DOCK4: variants seen among roughly 807,000 people sequenced by gnomAD.
DOCK4 encodes the protein dedicator of cytokinesis protein 4.
A neutral mutation model predicts 268.1 loss-of-function variants in DOCK4; 97 were observed. The ratio of observed to expected loss-of-function variants is 0.36; its 90% CI spans 0.31 to 0.43. The LOEUF is 0.43. DOCK4 is among the 20% of genes least tolerant of loss of function. The pLI, the probability that DOCK4 is intolerant of heterozygous loss-of-function variation, is 1.00. For missense variants in DOCK4, 2,145 were observed against 2,455.7 expected, an observed-to-expected ratio of 0.87 and a Z score of 2.67; for synonymous variants, 954 against 887.2, an observed-to-expected ratio of 1.08 and a Z score of -1.34.
chr7:111,746,562 G>A (rs1029660681), intron 43 of DOCK4, 145 bp from the exon 44 acceptor site: 14 of 633,874 alleles, frequency 2.2e-5, no homozygotes, highest in African/African-American at 3.7e-5. Context: ...ACTAGTGTAG[G>A]TGGTTGGTCA....
At chr7:111,809,959 C>G (rs1433871076) in intron 28 of DOCK4, among the ~76,000 whole-genome samples, 2 of 147,390 alleles carry the variant, frequency 1.4e-5, no homozygotes, top group Non-Finnish European at 3.0e-5. Flanking sequence ...AGAAAGAGAT[C>G]TGAATAAAGT....
At chr7:111,961,777 G>A (rs6976237) in intron 8 of DOCK4, among the ~76,000 whole-genome samples, 202 of 152,232 alleles carry the variant, frequency 1.3e-3, no homozygotes, top group African/African-American at 4.6e-3. Context: ...AAACGTAACT[G>A]TCAGTTCATG....
At chr7:112,052,250 C>T (rs1047901844) in intron 1 of DOCK4, among the ~76,000 whole-genome samples, 1 of 151,954 alleles carries the variant, frequency 6.6e-6, no homozygotes, top group Non-Finnish European at 1.5e-5. Context: ...AATGTGGAAC[C>T]AATGGATATA....
chr7:111,945,622 AT>A, intron 9 of DOCK4, 94 bp downstream of exon 9: 15 of 1,102,254 alleles, frequency 1.4e-5, no homozygotes, highest in Middle Eastern at 2.0e-4. Flanking sequence ...TTAAAAGCAA[AT>A]TCACTATGTT....
chr7:111,991,598 A>G (rs1484403619), intron 5 of DOCK4, among the ~76,000 whole-genome samples: 1 of 152,168 alleles, frequency 6.6e-6, no homozygotes, highest in Non-Finnish European at 1.5e-5. Flanking sequence ...TGGCAGCAGC[A>G]GACTTAGATT....
intron 32 of DOCK4, 140 bp downstream of exon 32, chr7:111,788,522 T>C: frequency 1.5e-6 from 1 of 671,966 alleles, no homozygotes; most frequent in Non-Finnish European, 2.6e-6. Flanking sequence ...TTATCCTTTA[T>C]TTCACACTCC....
In DOCK4 at chr7:111,811,945, T is replaced by C. The variant is rs376660566; in HGVS notation, c.2935A>G (p.Ile979Val). 1.7e-5 allele frequency: 25 copies of C among 1,491,308 alleles called. No individual in the cohort carries two copies. The Admixed American group carries it at 5.2e-4, about 31-fold the overall frequency. The allele number at this position is 1,491,308 out of a possible 1,614,324, so 92.4% of individuals were successfully genotyped here. The change falls in exon 28 of 53, where the codon ATT becomes GTT. Residue 979 changes from isoleucine to valine, a missense_variant. This residue lies in a region of DOCK4 where 1,598 missense variants were observed against 1,986.7 expected (regional missense o/e 0.80). Transcript: ENST00000428084. ...GAGAGGTATAGAACTGTTGTAATAATAACACTAGTGATAAAAAAAATGACA... is the reference window on the plus strand; with the variant it reads ...GAGAGGTATAGAACTGTTGTAATAACAACACTAGTGATAAAAAAAATGACA... ...TVMRLVANNV[I>V]ITTVLYLSDA...
intron 1 of DOCK4, among the ~76,000 whole-genome samples, chr7:112,113,935 A>C (rs1213303871): frequency 2.0e-5 from 3 of 151,852 alleles, no homozygotes; most frequent in Non-Finnish European, 4.4e-5. Flanking sequence ...CCTGATATAA[A>C]TTTAGCAAAT....
chr7:111,845,154 A>T (rs894451939), intron 24 of DOCK4, among the ~76,000 whole-genome samples: 25 of 152,174 alleles, frequency 1.6e-4, no homozygotes, highest in Admixed American at 1.6e-3. Context: ...ACTAACTCAG[A>T]ACACCAGCGA....
chr7:112,054,126 A>AG (rs1440407372), intron 1 of DOCK4, among the ~76,000 whole-genome samples: 1 of 152,200 alleles, frequency 6.6e-6, no homozygotes, highest in East Asian at 1.9e-4. Context: ...GTTCAAGACC[A>AG]GCCTGGGCAA....
chr7:112,014,185 T>A (rs759242378), intron 1 of DOCK4, among the ~76,000 whole-genome samples: 6 of 152,244 alleles, frequency 3.9e-5, no homozygotes, highest in Non-Finnish European at 4.4e-5. Context: ...TTCTGTTTGC[T>A]ACAAAACACA....
At chr7:111,997,139 T>C (rs1402796158) in intron 4 of DOCK4, among the ~76,000 whole-genome samples, 1 of 151,940 alleles carries the variant, frequency 6.6e-6, no homozygotes, top group East Asian at 1.9e-4. Context: ...ATGGCTGGAG[T>C]GTATTCTGAA....
chr7:112,080,861 C>T (rs576750482), intron 1 of DOCK4, among the ~76,000 whole-genome samples: 1 of 152,268 alleles, frequency 6.6e-6, no homozygotes, highest in South Asian at 2.1e-4. Context: ...ATGCAGACAG[C>T]AAGATATTTT....
intron 16 of DOCK4, among the ~76,000 whole-genome samples, chr7:111,882,824 G>T (rs1276948904): frequency 1.3e-5 from 2 of 152,086 alleles, no homozygotes; most frequent in African/African-American, 4.8e-5. Context: ...GTTGAGGCTG[G>T]TCTCGAACTC....
intron 26 of DOCK4, among the ~76,000 whole-genome samples, chr7:111,825,734 G>T (rs1396433974): frequency 6.6e-6 from 1 of 152,060 alleles, no homozygotes; most frequent in Non-Finnish European, 1.5e-5. Flanking sequence ...TCAAATCAGG[G>T]TTCAAGATAA....
chr7:112,124,284 G>A (rs993106162), intron 1 of DOCK4, among the ~76,000 whole-genome samples: 2 of 152,184 alleles, frequency 1.3e-5, no homozygotes, highest in African/African-American at 4.8e-5. Flanking sequence ...TCCTTCAAAA[G>A]TACTGGGATT....
At chr7:111,954,678 C>T (rs1796318849) in intron 8 of DOCK4, among the ~76,000 whole-genome samples, 1 of 152,206 alleles carries the variant, frequency 6.6e-6, no homozygotes, top group African/African-American at 2.4e-5. Flanking sequence ...GCTGTCATGT[C>T]AGACTGGGAC....
At position 112,087,177 on chromosome 7, in the gene DOCK4, C is replaced by T. The variant is rs74582821; in HGVS notation, c.38-83046G>A. Among the ~76,000 whole-genome samples, 1,239 of 152,144 alleles carry T rather than the reference C, an allele frequency of 8.1e-3. 40 individuals are homozygous for T. In the East Asian group the frequency reaches 0.087, roughly 11 times the overall value. On this transcript the variant is annotated intron_variant, in intron 1 of 52. Coordinates refer to ENST00000428084, the MANE Select transcript of DOCK4 (RefSeq NM_001363540.2). Reference sequence around the variant, plus strand: ...TCCAGGTACCCATTTCTCTTTTCAACACCTGTAGTTCTTGATTAATTAATT... The same window carrying T: ...TCCAGGTACCCATTTCTCTTTTCAATACCTGTAGTTCTTGATTAATTAATT...
At chr7:111,934,717 T>C (rs1194443603) in intron 12 of DOCK4, among the ~76,000 whole-genome samples, 1 of 149,506 alleles carries the variant, frequency 6.7e-6, no homozygotes, top group Non-Finnish European at 1.5e-5. Context: ...TTTTTTTTTT[T>C]TTTAGTAGAG....
Sources: gnomAD v4.1 joint callset for allele counts (sites outside exome capture counted in the v4.1 genomes callset) on GRCh38, gnomAD v4.1.1 for gene constraint, gnomAD v4.1.1 regional missense constraint, MANE v1.5 for transcripts, NCBI Gene and HGNC (gene_info 2026-07-23, HGNC 2026-07-21) for gene names.